The following LARP1 variants were observed in gnomAD, a reference collection of about 807,000 sequenced individuals.
LARP1 encodes la-related protein 1.
A neutral mutation model predicts 122.7 loss-of-function variants in LARP1; 36 were observed. That is an observed-to-expected ratio of 0.29 (90% CI 0.22 to 0.39). The LOEUF (loss-of-function observed/expected upper bound fraction) is 0.39. Among genes scored for constraint, LARP1 ranks in the 10% least tolerant of loss-of-function variants. The pLI, the probability that LARP1 is intolerant of heterozygous loss-of-function variation, is 1.00. For synonymous variants in LARP1, 539 were observed against 528.7 expected (o/e 1.02, Z -0.27); for missense variants, 1,040 against 1,403.6 (o/e 0.74, Z 4.14).
intron 1 of LARP1, among the ~76,000 whole-genome samples, chr5:154,734,830 C>T (rs1389195131): frequency 6.6e-6 from 1 of 152,074 alleles, no homozygotes; most frequent in Non-Finnish European, 1.5e-5. Context: ...TCCCTTTTCC[C>T]GCTCCCTCCA....
At chr5:154,800,195 G>A (rs1187801805) in intron 10 of LARP1, among the ~76,000 whole-genome samples, 153 bp downstream of exon 10, 1 of 152,234 alleles carries the variant, frequency 6.6e-6, no homozygotes, top group Non-Finnish European at 1.5e-5. Flanking sequence ...TACCAGTAGT[G>A]GCTACAGAAA....
At chr5:154,781,210 T>C (rs1306869072) in intron 1 of LARP1, among the ~76,000 whole-genome samples, 1 of 152,182 alleles carries the variant, frequency 6.6e-6, no homozygotes, top group Non-Finnish European at 1.5e-5. Context: ...TAGCAACCTG[T>C]CTGAGACGAT....
chr5:154,765,592 C>CT (rs1416803919), intron 1 of LARP1, among the ~76,000 whole-genome samples: 28 of 152,278 alleles, frequency 1.8e-4, no homozygotes, highest in African/African-American at 6.3e-4. Context: ...TGGGGTCTCA[C>CT]TATGTTGCCC....
intron 16 of LARP1, among the ~76,000 whole-genome samples, chr5:154,809,982 C>G (rs1171230613): frequency 6.6e-6 from 1 of 152,056 alleles, no homozygotes; most frequent in African/African-American, 2.4e-5. Flanking sequence ...GCTGGGATTA[C>G]TTTGTGAGCC....
At chr5:154,717,031 G>T (rs1226403940) in intron 1 of LARP1, among the ~76,000 whole-genome samples, 1 of 147,106 alleles carries the variant, frequency 6.8e-6, no homozygotes, top group South Asian at 2.1e-4. Flanking sequence ...CTGTACTCCA[G>T]CCTGGGTAAG....
chr5:154,774,061 T>G (rs565876060), intron 1 of LARP1, among the ~76,000 whole-genome samples: 68 of 152,080 alleles, frequency 4.5e-4, no homozygotes, highest in Non-Finnish European at 3.2e-4. Context: ...TTTTTTTTTT[T>G]TTTGTTTCTC....
upstream of LARP1, among the ~76,000 whole-genome samples, chr5:154,755,298 G>A (rs1753752803): frequency 6.8e-6 from 1 of 148,022 alleles, no homozygotes; most frequent in African/African-American, 2.4e-5. Flanking sequence ...CTCGCCCGCC[G>A]CGTCGTGAGG....
At chr5:154,706,295 A>AAAT (rs138415109) in intron 1 of LARP1, among the ~76,000 whole-genome samples, 7,175 of 142,564 alleles carry the variant, frequency 0.05, 208 homozygotes, top group African/African-American at 0.074. Flanking sequence ...CTTTGTCTCA[A>AAAT]AATAATAATA....
intron 1 of LARP1, among the ~76,000 whole-genome samples, chr5:154,785,024 T>C (rs1756770717): frequency 6.6e-6 from 1 of 152,240 alleles, no homozygotes; most frequent in African/African-American, 2.4e-5. Flanking sequence ...CTTGTCAGCC[T>C]TCGCCATGTT....
chr5:154,754,914 T>C (rs1156840647), upstream of LARP1, among the ~76,000 whole-genome samples: 3 of 152,144 alleles, frequency 2.0e-5, no homozygotes, highest in Non-Finnish European at 4.4e-5. Context: ...TAATGGCTCC[T>C]TCCCCTGAAT....
At chr5:154,754,008 A>C (rs1434849336), upstream of LARP1, among the ~76,000 whole-genome samples, 5 of 152,222 alleles carry the variant, frequency 3.3e-5, no homozygotes, top group Admixed American at 2.6e-4. Context: ...AAGTGAAGTC[A>C]TAAGCACCAA....
chr5:154,709,013 C>A (rs761223335), upstream of LARP1, among the ~76,000 whole-genome samples: 1 of 152,194 alleles, frequency 6.6e-6, no homozygotes, highest in East Asian at 1.9e-4. Context: ...ACCTGGATTG[C>A]GTACCACGGT....
intron 1 of LARP1, among the ~76,000 whole-genome samples, chr5:154,685,136 A>C (rs943410071): frequency 6.6e-6 from 1 of 151,958 alleles, no homozygotes; most frequent in Non-Finnish European, 1.5e-5. Flanking sequence ...CCCAGCTACT[A>C]AGGAGGCTGA....
chr5:154,683,292 G>A (rs376627847), intron 1 of LARP1, among the ~76,000 whole-genome samples: 2 of 152,218 alleles, frequency 1.3e-5, no homozygotes, highest in African/African-American at 4.8e-5. Flanking sequence ...TCAAACTGAC[G>A]GCCCACGGAC....
chr5:154,726,875 G>A (rs1406166356), intron 1 of LARP1, among the ~76,000 whole-genome samples: 1 of 152,212 alleles, frequency 6.6e-6, no homozygotes, highest in African/African-American at 2.4e-5. Context: ...ATGAGAACCA[G>A]CAGGGGAAAT....
intron 1 of LARP1, among the ~76,000 whole-genome samples, chr5:154,719,271 C>A (rs142236042): frequency 1.7e-4 from 26 of 152,228 alleles, no homozygotes; most frequent in African/African-American, 6.3e-4. Context: ...AGCAGAGGGG[C>A]CTCTGGGGAT....
In LARP1 at chr5:154,817,032, TCCC is replaced by T. The variant is rs200933898; in HGVS notation, c.*2938_*2940del. The T allele has an allele frequency of 6.8e-6, 1 of 146,796 alleles. No homozygotes were observed. Among genetic ancestry groups the T allele is most frequent in the African/African-American group, 2.6e-5 (1 of 38,892 alleles). The allele number at this position is 146,796 out of a possible 1,614,324, so 9.1% of individuals were successfully genotyped here. A position where few individuals can be genotyped will look rare whatever the true frequency, so the allele number is the denominator to read the frequency against. ...CATTGTAGCTCTTTTTTTTTTTTTTTCCCCTTTCCTGGTGATTGATTTTACAAA... is the reference window on the plus strand; with the variant it reads ...CATTGTAGCTCTTTTTTTTTTTTTTTCTTTCCTGGTGATTGATTTTACAAA... On this transcript the variant is annotated 3_prime_UTR_variant, in exon 19 of 19. Transcript: ENST00000518297.
intron 1 of LARP1, among the ~76,000 whole-genome samples, chr5:154,693,437 A>G (rs527605135): frequency 1.3e-5 from 2 of 152,200 alleles, no homozygotes; most frequent in African/African-American, 2.4e-5. Flanking sequence ...GTTTACAGAA[A>G]TAACATTGGT....
intron 1 of LARP1, among the ~76,000 whole-genome samples, chr5:154,726,181 C>CGTAGGAGTAGAGGTGAA (rs1756205624): frequency 6.6e-6 from 1 of 152,182 alleles, no homozygotes; most frequent in East Asian, 1.9e-4. Context: ...AGGGCAACAC[C>CGTAGGAGTAGAGGTGAA]CTAGGAGTAG....
Sources: allele counts gnomAD v4.1 joint callset (sites outside exome capture counted in the v4.1 genomes callset), GRCh38; gene constraint gnomAD v4.1.1; transcripts MANE v1.5; gene names NCBI Gene and HGNC (gene_info 2026-07-23, HGNC 2026-07-21).